Variants in ADCY8 observed in about 807,000 individuals in gnomAD.
ADCY8 encodes adenylate cyclase type 8.
ADCY8 carries 51 observed loss-of-function variants against 119.7 expected under a neutral mutation model. The observed-to-expected ratio is 0.43, with a 90% CI of 0.34 to 0.54. The LOEUF is 0.54. Ranked by LOEUF, ADCY8 falls within the 20% of genes least tolerant of loss-of-function variation. The pLI, the probability that ADCY8 is intolerant of heterozygous loss-of-function variation, is 0.03. For missense variants in ADCY8, 1,383 were observed against 1,598.8 expected (o/e 0.87, Z 2.30); for synonymous variants, 665 against 651.0 (o/e 1.02, Z -0.33).
At chr8:131,025,414 T>G (rs915583974) in intron 1 of ADCY8, among the ~76,000 whole-genome samples, 3 of 152,112 alleles carry the variant, frequency 2.0e-5, no homozygotes, top group Non-Finnish European at 4.4e-5. Context: ...AACAACTCTG[T>G]GTTCAGCATC....
chr8:130,797,094 G>A (rs560957356), intron 15 of ADCY8, among the ~76,000 whole-genome samples: 71 of 152,368 alleles, frequency 4.7e-4, no homozygotes, highest in Middle Eastern at 3.4e-3. Context: ...ATGAGAGGGA[G>A]CACTTTTGGA....
chr8:130,939,190 A>G (rs1820885879), intron 4 of ADCY8, among the ~76,000 whole-genome samples: 1 of 152,122 alleles, frequency 6.6e-6, no homozygotes, highest in African/African-American at 2.4e-5. Flanking sequence ...TTATAAAAGC[A>G]AATATATTTT....
chr8:131,035,687 A>G (rs566217413), intron 1 of ADCY8, among the ~76,000 whole-genome samples: 2 of 152,284 alleles, frequency 1.3e-5, no homozygotes, highest in South Asian at 4.1e-4. Flanking sequence ...AAGGAAGGCA[A>G]TCATTGGCTC....
chr8:130,802,522 A>G (rs897602628), intron 14 of ADCY8, among the ~76,000 whole-genome samples: 1 of 152,084 alleles, frequency 6.6e-6, no homozygotes, highest in South Asian at 2.1e-4. Flanking sequence ...AAATCCCTCC[A>G]ATGGCTCACC....
chr8:130,780,613 G>T lies in ADCY8; in HGVS notation c.3533C>A (p.Pro1178Gln), dbSNP rs750136473. ...CAGTCTTCTTGGGGGCAAGATGAATGGGTTGGGTTGGACTCTTCCCAGAAG... is the reference window on the plus strand; with the variant it reads ...CAGTCTTCTTGGGGGCAAGATGAATTGGTTGGGTTGGACTCTTCCCAGAAG... ...YFLLGRVQPN[P>Q]FILPPRRLPG... The change falls in exon 18 of 18, where the codon CCA becomes CAA. Residue 1178 changes from proline to glutamine, a missense_variant. Physicochemically the swap from Pro to Gln is moderately conservative, Grantham distance 76 (BLOSUM62 -1). Coordinates refer to ENST00000286355, the MANE Select transcript of ADCY8 (RefSeq NM_001115.3). 107 of 1,614,062 alleles carry T rather than the reference G, an allele frequency of 6.6e-5. No individual in the cohort carries two copies. Among genetic ancestry groups the T allele is most frequent in the Non-Finnish European group, 8.6e-5 (101 of 1,180,022 alleles).
At chr8:130,968,225 C>T (rs1821820960) in intron 2 of ADCY8, among the ~76,000 whole-genome samples, 1 of 151,166 alleles carries the variant, frequency 6.6e-6, no homozygotes, top group South Asian at 2.1e-4. Flanking sequence ...GGCTGGAGTG[C>T]AGTGGCGCAT....
Position 130,815,307 on chromosome 8 carries a change from C to T in ADCY8, c.2755-1080G>A, listed in dbSNP as rs1305540286. On this transcript the variant is annotated intron_variant, in intron 13 of 17. Coordinates refer to ENST00000286355, the MANE Select transcript of ADCY8 (RefSeq NM_001115.3). ...TCAGTCTATGGCATATTGTTATGTACGACAGGTGGAGATACGAATACACTT... is the reference window on the plus strand; with the variant it reads ...TCAGTCTATGGCATATTGTTATGTATGACAGGTGGAGATACGAATACACTT... Among the ~76,000 whole-genome samples the T allele has an allele frequency of 4.6e-5, 7 of 152,126 alleles. No homozygotes were observed. In the East Asian group the frequency reaches 5.8e-4, roughly 13 times the overall value.
chr8:130,869,707 T>C (rs1317332446), intron 8 of ADCY8, among the ~76,000 whole-genome samples: 8 of 151,590 alleles, frequency 5.3e-5, no homozygotes, highest in African/African-American at 1.2e-4. Context: ...TTAGTAGAGA[T>C]GGGGTTTCAC....
intron 15 of ADCY8, among the ~76,000 whole-genome samples, chr8:130,795,021 C>T (rs539407083): frequency 3.3e-5 from 5 of 152,214 alleles, no homozygotes; most frequent in East Asian, 3.9e-4. Context: ...GTCAGGAGTT[C>T]GAGACCAGCC....
chr8:130,820,497 C>T (rs1338420912), intron 13 of ADCY8, among the ~76,000 whole-genome samples: 10 of 152,192 alleles, frequency 6.6e-5, no homozygotes, highest in Admixed American at 1.3e-4. Flanking sequence ...CCCCAAGCGA[C>T]GAACGTTCAT....
At chr8:130,808,723 C>T (rs1238282326) in intron 14 of ADCY8, among the ~76,000 whole-genome samples, 1 of 152,144 alleles carries the variant, frequency 6.6e-6, no homozygotes, top group Non-Finnish European at 1.5e-5. Flanking sequence ...AGCTCTGACC[C>T]CAATTCAGCA....
rs760350916 is a variant in ADCY8 at position 130,984,056 on chromosome 8, ATGTC to A, written c.1110+6333_1110+6336del. On this transcript the variant is annotated intron_variant, in intron 2 of 17. Transcript: ENST00000286355. Reference sequence around the variant, plus strand: ...CCCTGCAGGGAGGACAGCAGCCTGAATGTCTGGGCTTCCTATCAGGGGTAGGGGA... The same window carrying A: ...CCCTGCAGGGAGGACAGCAGCCTGAATGGGCTTCCTATCAGGGGTAGGGGA... Among the ~76,000 whole-genome samples, 7 of 149,590 alleles carry A rather than the reference ATGTC, an allele frequency of 4.7e-5. No homozygotes were observed. The East Asian group carries it at 9.7e-4, about 21-fold the overall frequency.
chr8:130,934,046 T>C (rs912776144), intron 5 of ADCY8, among the ~76,000 whole-genome samples: 4 of 152,212 alleles, frequency 2.6e-5, no homozygotes, highest in African/African-American at 9.6e-5. Flanking sequence ...TTTATCACTG[T>C]ATTTCTAGGG....
intron 12 of ADCY8, among the ~76,000 whole-genome samples, chr8:130,827,730 A>G (rs913643313): frequency 2.6e-5 from 4 of 152,170 alleles, no homozygotes; most frequent in Non-Finnish European, 4.4e-5. Flanking sequence ...GCTGCTTCAT[A>G]TTGGGGACCT....
intron 11 of ADCY8, 121 bp downstream of exon 11, chr8:130,847,303 G>C (rs1360715890): frequency 4.6e-6 from 3 of 650,932 alleles, no homozygotes; most frequent in South Asian, 2.1e-5. Context: ...AGAAGAGGCA[G>C]AAGAAGGAAA....
rs537607428 is a variant in ADCY8 at position 131,030,504 on chromosome 8, A to G, written c.960+8870T>C. On this transcript the variant is annotated intron_variant, in intron 1 of 17. Coordinates refer to ENST00000286355, the MANE Select transcript of ADCY8 (RefSeq NM_001115.3). ...TAGAGGTCTGTAGTAAAAAGAGTCC[A>G]AGTCTTGCATTTGTGTAAAATATTT... Among the ~76,000 whole-genome samples, 35 of 152,304 alleles carry G rather than the reference A, an allele frequency of 2.3e-4. 1 individual carries two copies. The South Asian group carries it at 6.8e-3, about 30-fold the overall frequency.
intron 2 of ADCY8, among the ~76,000 whole-genome samples, chr8:130,967,719 G>C (rs1335340759): frequency 1.3e-5 from 2 of 151,780 alleles, no homozygotes; most frequent in African/African-American, 4.8e-5. Flanking sequence ...TTCTTTTTAT[G>C]TTTTTAAGGA....
At chr8:130,877,609 G>A (rs1352653680) in intron 8 of ADCY8, among the ~76,000 whole-genome samples, 1 of 152,182 alleles carries the variant, frequency 6.6e-6, no homozygotes, top group Non-Finnish European at 1.5e-5. Flanking sequence ...CTAATCCTTG[G>A]CTGGCTTGTC....
chr8:130,959,640 A>G (rs557764090), intron 2 of ADCY8, among the ~76,000 whole-genome samples: 1 of 152,338 alleles, frequency 6.6e-6, no homozygotes, highest in South Asian at 2.1e-4. Flanking sequence ...GTTCATCGAG[A>G]GTCCAGAGTG....
Sources: gnomAD v4.1 joint callset for allele counts (sites outside exome capture counted in the v4.1 genomes callset) on GRCh38, gnomAD v4.1.1 for gene constraint, MANE v1.5 for transcripts, NCBI Gene and HGNC (gene_info 2026-07-23, HGNC 2026-07-21) for gene names.